The following PSD3 variants were observed in gnomAD, a reference collection of about 807,000 sequenced individuals.
The protein encoded by PSD3 is PH and SEC7 domain-containing protein 3.
Under a neutral mutation model 105.5 loss-of-function variants are expected in PSD3, and 49 were observed. The observed-to-expected ratio is 0.46, with a 90% confidence interval of 0.37 to 0.59. PSD3 has a LOEUF of 0.59. Ranked by LOEUF, PSD3 falls within the 20% of genes least tolerant of loss-of-function variation. PSD3 has a pLI of 0.00. For synonymous variants in PSD3, 557 were observed against 457.8 expected, an observed-to-expected ratio of 1.22 and a Z score of -2.77; for missense variants, 1,561 against 1,263.8, an observed-to-expected ratio of 1.24 and a Z score of -3.57.
At chr8:18,554,584 T>G (rs1800958802) in intron 15 of PSD3, among the ~76,000 whole-genome samples, 1 of 152,174 alleles carries the variant, frequency 6.6e-6, no homozygotes, top group South Asian at 2.1e-4. Flanking sequence ...ATGCTACATT[T>G]GATAACAGAA....
At chr8:18,632,840 C>A (rs1436862234) in intron 10 of PSD3, 34 bp from the exon 11 acceptor site, 2 of 1,444,968 alleles carry the variant, frequency 1.4e-6, no homozygotes, top group Admixed American at 2.2e-5. Context: ...CTGAGTCAAG[C>A]ACCTATCATA....
chr8:18,963,748 G>T (rs1824072745), intron 1 of PSD3, among the ~76,000 whole-genome samples: 1 of 152,154 alleles, frequency 6.6e-6, no homozygotes, highest in African/African-American at 2.4e-5. Context: ...TAATGAAATA[G>T]CAATATTTTA....
chr8:18,997,127 G>A (rs1238258575), intron 1 of PSD3, among the ~76,000 whole-genome samples: 2 of 151,728 alleles, frequency 1.3e-5, no homozygotes, highest in Non-Finnish European at 2.9e-5. Flanking sequence ...GCTCCCTGTG[G>A]ATTTCATCCA....
intron 1 of PSD3, among the ~76,000 whole-genome samples, chr8:18,990,503 G>A (rs1825732006): frequency 6.6e-6 from 1 of 152,112 alleles, no homozygotes; most frequent in African/African-American, 2.4e-5. Context: ...AGGGACATCT[G>A]CTGTTCCTGC....
In PSD3 at chr8:18,532,158, C is replaced by T. The variant is rs1799659702; in HGVS notation, c.*3585G>A. On this transcript the variant is annotated 3_prime_UTR_variant, in exon 16 of 16. Coordinates refer to ENST00000327040, the MANE Select transcript of PSD3 (RefSeq NM_015310.4). The stretch of plus-strand genomic sequence containing the variant: ...AGCTCATGACAAGCAGGCCCTGCCT[C>T]TCATCCTTCCCAGATCTTTACATGA... 2 of 152,212 alleles carry T rather than the reference C, an allele frequency of 1.3e-5. No homozygotes were observed. Among genetic ancestry groups the T allele is most frequent in the Non-Finnish European group, 2.9e-5 (2 of 68,042 alleles). The allele number at this position is 152,212 out of a possible 1,614,324, so 9.4% of individuals were successfully genotyped here. A position where few individuals can be genotyped will look rare whatever the true frequency, so the allele number is the denominator to read the frequency against.
intron 11 of PSD3, among the ~76,000 whole-genome samples, chr8:18,616,568 T>A (rs1275182954): frequency 1.3e-5 from 2 of 152,044 alleles, no homozygotes; most frequent in Non-Finnish European, 2.9e-5. Flanking sequence ...CTTGTGAGAT[T>A]TCATTTACTT....
intron 12 of PSD3, among the ~76,000 whole-genome samples, chr8:18,595,789 G>C (rs548235413): frequency 6.6e-6 from 1 of 152,056 alleles, no homozygotes; most frequent in African/African-American, 2.4e-5. Context: ...AGGACTGAAG[G>C]TAGAAATTAA....
chr8:18,974,682 A>C lies in PSD3; in HGVS notation c.22-38540T>G, dbSNP rs554189042. 2.1e-4 allele frequency among the ~76,000 whole-genome samples: 32 copies of C among 152,020 alleles called. 1 individual carries two copies. The South Asian group carries it at 6.2e-3, about 30-fold the overall frequency. ...TATAACACATCAAGTCAAAAAAAAA[A>C]AACAAAAAACAGTGAAGGGGCAGGG... is the stretch of plus-strand genomic sequence containing the variant. On this transcript the variant is annotated intron_variant, in intron 1 of 15. Coordinates refer to ENST00000327040, the MANE Select transcript of PSD3 (RefSeq NM_015310.4).
intron 1 of PSD3, among the ~76,000 whole-genome samples, chr8:19,032,837 G>C (rs1827816043): frequency 6.6e-6 from 1 of 152,016 alleles, no homozygotes; most frequent in Non-Finnish European, 1.5e-5. Context: ...GTGAATATAA[G>C]TTGAATATGC....
At chr8:19,083,917 C>T (rs918264537) in intron 1 of PSD3, among the ~76,000 whole-genome samples, 3 of 152,166 alleles carry the variant, frequency 2.0e-5, no homozygotes, top group Non-Finnish European at 2.9e-5. Context: ...TTCTGGTGTT[C>T]CCCTATAAAG....
chr8:18,679,315 T>C (rs1800250907), intron 9 of PSD3, among the ~76,000 whole-genome samples: 1 of 152,190 alleles, frequency 6.6e-6, no homozygotes, highest in Non-Finnish European at 1.5e-5. Flanking sequence ...AAACAGCAAG[T>C]GAAGCCTAAG....
At chr8:18,580,409 CTGGTTTTGTA>C (rs1332342066) in intron 12 of PSD3, among the ~76,000 whole-genome samples, 1 of 152,098 alleles carries the variant, frequency 6.6e-6, no homozygotes, top group East Asian at 1.9e-4. Context: ...ACAAAACCTA[CTGGTTTTGTA>C]AAAACCAAAA....
At chr8:18,862,951 G>C (rs1249025187) in intron 4 of PSD3, among the ~76,000 whole-genome samples, 1 of 151,300 alleles carries the variant, frequency 6.6e-6, no homozygotes, top group African/African-American at 2.4e-5. Context: ...AAGACAGACT[G>C]AAGCGCTTCC....
intron 9 of PSD3, among the ~76,000 whole-genome samples, chr8:18,755,433 ATAACATAACATAAC>A (rs1563228582): frequency 1.5e-4 from 21 of 141,422 alleles, no homozygotes; most frequent in African/African-American, 5.6e-4. Context: ...CTGTCTCAAC[ATAACATAACATAAC>A]ATAACATAAC....
intron 1 of PSD3, among the ~76,000 whole-genome samples, chr8:19,080,221 A>T (rs1444738305): frequency 6.6e-6 from 1 of 152,184 alleles, no homozygotes; most frequent in African/African-American, 2.4e-5. Flanking sequence ...ATCTTTCCTT[A>T]AAGAGTTTCA....
At chr8:18,840,514 T>C (rs1411521739) in intron 4 of PSD3, among the ~76,000 whole-genome samples, 2 of 152,254 alleles carry the variant, frequency 1.3e-5, no homozygotes, top group Non-Finnish European at 2.9e-5. Context: ...TACTAAGCAC[T>C]TCCGATATTC....
chr8:18,602,491 T>C (rs932755779), intron 11 of PSD3, among the ~76,000 whole-genome samples: 2 of 152,092 alleles, frequency 1.3e-5, no homozygotes, highest in Non-Finnish European at 2.9e-5. Flanking sequence ...AATTTAGTAA[T>C]CTAACACATG....
chr8:18,584,993 A>G (rs1803072034), intron 12 of PSD3, among the ~76,000 whole-genome samples: 1 of 152,132 alleles, frequency 6.6e-6, no homozygotes, highest in Non-Finnish European at 1.5e-5. Context: ...GTCATGTCAT[A>G]TATATAATTA....
At chr8:18,805,229 C>T (rs1811098105) in intron 4 of PSD3, among the ~76,000 whole-genome samples, 2 of 152,092 alleles carry the variant, frequency 1.3e-5, no homozygotes, top group Admixed American at 1.3e-4. Flanking sequence ...TAAAAATTCA[C>T]TCACTTAAAA....
Sources: gnomAD v4.1 joint callset for allele counts (sites outside exome capture counted in the v4.1 genomes callset) on GRCh38, gnomAD v4.1.1 for gene constraint, MANE v1.5 for transcripts, NCBI Gene and HGNC (gene_info 2026-07-23, HGNC 2026-07-21) for gene names.